The following CCDC178 variants were observed in gnomAD, a reference collection of about 807,000 sequenced individuals.
The protein encoded by CCDC178 is coiled-coil domain-containing protein 178.
In CCDC178, 126 loss-of-function variants were observed where a neutral mutation model predicts 117.4. The ratio of observed to expected loss-of-function variants is 1.07; its 90% confidence interval spans 0.93 to 1.24. CCDC178 has a LOEUF of 1.24. Ranked by LOEUF, CCDC178 falls within the 50% of genes most tolerant of loss-of-function variation. CCDC178 has a pLI of 0.00. For missense variants in CCDC178, 1,030 were observed against 986.9 expected, an observed-to-expected ratio of 1.04 and a Z score of -0.59; for synonymous variants, 283 against 313.4, an observed-to-expected ratio of 0.90 and a Z score of 1.02.
chr18:33,270,703 G>A (rs1207522844), intron 12 of CCDC178, among the ~76,000 whole-genome samples: 5 of 151,480 alleles, frequency 3.3e-5, no homozygotes, highest in Non-Finnish European at 7.4e-5. Flanking sequence ...GGATAAACCT[G>A]TTCTATAAAA....
intron 20 of CCDC178, among the ~76,000 whole-genome samples, chr18:33,100,368 G>A (rs3980618): frequency 6.6e-6 from 1 of 151,624 alleles, no homozygotes; most frequent in Admixed American, 6.6e-5. Context: ...TGTCTCTGTT[G>A]TATATATTTG....
chr18:33,053,975 T>C (rs749228518), intron 21 of CCDC178, among the ~76,000 whole-genome samples: 41 of 152,196 alleles, frequency 2.7e-4, no homozygotes, highest in Non-Finnish European at 4.6e-4. Context: ...ATAGTTTTCA[T>C]ATACTATTTA....
chr18:33,126,846 C>T (rs1031288847), intron 20 of CCDC178, among the ~76,000 whole-genome samples: 1 of 151,598 alleles, frequency 6.6e-6, no homozygotes, highest in Non-Finnish European at 1.5e-5. Context: ...TTAGTAGAGA[C>T]AGGTTTTCTG....
At chr18:33,314,443 A>T (rs914250994) in intron 11 of CCDC178, among the ~76,000 whole-genome samples, 1 of 152,098 alleles carries the variant, frequency 6.6e-6, no homozygotes, top group Non-Finnish European at 1.5e-5. Flanking sequence ...CAGAAAACTC[A>T]TCGCTCATGG....
intron 3 of CCDC178, among the ~76,000 whole-genome samples, chr18:33,408,767 G>C: frequency 6.6e-6 from 1 of 152,050 alleles, no homozygotes; most frequent in Non-Finnish European, 1.5e-5. Flanking sequence ...AGACACATTG[G>C]AAAAACCTTA....
At chr18:33,167,792 G>A (rs1236788722) in intron 20 of CCDC178, among the ~76,000 whole-genome samples, 3 of 151,982 alleles carry the variant, frequency 2.0e-5, no homozygotes, top group African/African-American at 7.3e-5. Context: ...GCATAACCCC[G>A]GAAGGTGGAG....
At chr18:33,143,463 T>C (rs1388913454) in intron 20 of CCDC178, among the ~76,000 whole-genome samples, 1 of 152,198 alleles carries the variant, frequency 6.6e-6, no homozygotes, top group African/African-American at 2.4e-5. Flanking sequence ...TCCTCTGCTG[T>C]ATCTCTATAT....
intron 3 of CCDC178, among the ~76,000 whole-genome samples, chr18:33,401,474 C>G (rs2063708918): frequency 6.6e-6 from 1 of 152,134 alleles, no homozygotes; most frequent in South Asian, 2.1e-4. Flanking sequence ...ATTCATGTTT[C>G]TGCCTTGGTG....
intron 2 of CCDC178, among the ~76,000 whole-genome samples, chr18:33,423,945 ATTGT>A (rs1293591869): frequency 3.9e-5 from 6 of 152,108 alleles, no homozygotes; most frequent in Admixed American, 6.5e-5. Context: ...TCTTCAACAT[ATTGT>A]TTCTTTTTAT....
At chr18:33,322,180 A>G (rs1280482038) in intron 11 of CCDC178, among the ~76,000 whole-genome samples, 5 of 151,926 alleles carry the variant, frequency 3.3e-5, no homozygotes, top group African/African-American at 1.2e-4. Context: ...ATAGTGGGCA[A>G]TTATAGACCT....
At chr18:33,362,708 C>T (rs139681544) in intron 6 of CCDC178, among the ~76,000 whole-genome samples, 22 of 151,830 alleles carry the variant, frequency 1.4e-4, no homozygotes, top group Non-Finnish European at 2.4e-4. Context: ...CTCAAATAAA[C>T]GCAATAAAAT....
intron 20 of CCDC178, among the ~76,000 whole-genome samples, chr18:33,191,482 G>C (rs1290547307): frequency 6.6e-6 from 1 of 152,036 alleles, no homozygotes; most frequent in Admixed American, 6.5e-5. Context: ...TCTATACTAA[G>C]AGAATTAGGT....
In CCDC178 at chr18:33,425,692, T is replaced by C. The variant is rs191760308; in HGVS notation, c.-22-13582A>G. Among the ~76,000 whole-genome samples, 5 of 152,300 alleles carry C rather than the reference T, an allele frequency of 3.3e-5. No individual in the cohort carries two copies. The East Asian group carries it at 9.7e-4, about 29-fold the overall frequency. On this transcript the variant is annotated intron_variant, in intron 2 of 22. Transcript: ENST00000383096. ...TGAACTGTGCTGCTTGAGTCTGTTC[T>C]CTTTTCCCTGGCTACATTCATGGAT...
chr18:33,171,862 G>A (rs1268952119), intron 20 of CCDC178, among the ~76,000 whole-genome samples: 1 of 152,064 alleles, frequency 6.6e-6, no homozygotes, highest in African/African-American at 2.4e-5. Context: ...TTTACTTTTG[G>A]TATTCAAACA....
At chr18:33,365,655 C>T (rs1237894940) in intron 6 of CCDC178, among the ~76,000 whole-genome samples, 3 of 151,920 alleles carry the variant, frequency 2.0e-5, no homozygotes, top group Non-Finnish European at 4.4e-5. Context: ...ATATTGTTAA[C>T]ATTTTAAAGA....
chr18:32,990,214 A>G (rs923091290), intron 21 of CCDC178, among the ~76,000 whole-genome samples: 1 of 152,140 alleles, frequency 6.6e-6, no homozygotes, highest in African/African-American at 2.4e-5. Flanking sequence ...ATCTACAGCT[A>G]GGCAATTCTC....
At chr18:33,121,896 T>C (rs2057941640) in intron 20 of CCDC178, among the ~76,000 whole-genome samples, 1 of 152,146 alleles carries the variant, frequency 6.6e-6, no homozygotes, top group African/African-American at 2.4e-5. Context: ...GCAACTTTAC[T>C]ATTTTTAGGT....
At chr18:33,256,175 A>G (rs1669284172) in intron 14 of CCDC178, among the ~76,000 whole-genome samples, 1 of 152,092 alleles carries the variant, frequency 6.6e-6, no homozygotes, top group Admixed American at 6.6e-5. Flanking sequence ...GTAATTTTTA[A>G]TAACAGTAAA....
chr18:33,308,330 C>A (rs1309396834), intron 11 of CCDC178, among the ~76,000 whole-genome samples: 1 of 152,214 alleles, frequency 6.6e-6, no homozygotes, highest in East Asian at 1.9e-4. Context: ...GGATTTCAGA[C>A]TTGCATGGGG....
Sources: allele counts gnomAD v4.1 joint callset (sites outside exome capture counted in the v4.1 genomes callset), GRCh38; gene constraint gnomAD v4.1.1; transcripts MANE v1.5; gene names NCBI Gene and HGNC (gene_info 2026-07-23, HGNC 2026-07-21).